The following EPHA5 variants were observed in gnomAD, a reference collection of about 807,000 sequenced individuals.
EPHA5 encodes the protein EPH receptor A5.
Under a neutral mutation model 105.0 loss-of-function variants are expected in EPHA5, and 60 were observed. That is an observed-to-expected ratio of 0.57 (90% CI 0.46 to 0.71). The LOEUF is 0.71. Among genes scored for constraint, EPHA5 ranks in the 30% least tolerant of loss-of-function variants. EPHA5 has a pLI of 0.00. For missense variants in EPHA5, 1,218 were observed against 1,274.7 expected (o/e 0.96, Z 0.68); for synonymous variants, 513 against 449.1 (o/e 1.14, Z -1.80).
intron 3 of EPHA5, among the ~76,000 whole-genome samples, chr4:65,553,189 T>C (rs1183646160): frequency 6.6e-6 from 1 of 152,116 alleles, no homozygotes; most frequent in Non-Finnish European, 1.5e-5. Flanking sequence ...TCTCCTCCTA[T>C]GAAAATTTAC....
intron 2 of EPHA5, among the ~76,000 whole-genome samples, chr4:65,618,309 C>T (rs1745421118): frequency 6.6e-6 from 1 of 151,942 alleles, no homozygotes; most frequent in African/African-American, 2.4e-5. Context: ...TTATAATTAC[C>T]ACCCTTTTAA....
intron 2 of EPHA5, among the ~76,000 whole-genome samples, chr4:65,609,290 T>C (rs140116219): frequency 6.6e-6 from 1 of 152,264 alleles, no homozygotes; most frequent in Non-Finnish European, 1.5e-5. Flanking sequence ...CAATATTATG[T>C]TAGTGGGAAA....
rs141438335 is a variant in EPHA5 at position 65,562,690 on chromosome 4, T to C, written c.910+38951A>G. 4.1e-3 allele frequency among the ~76,000 whole-genome samples: 631 copies of C among 152,176 alleles called. 5 individuals are homozygous for C. The highest frequency in any genetic ancestry group is 0.014 in the African/African-American group (599 of 41,550). On this transcript the variant is annotated intron_variant, in intron 3 of 16. Coordinates refer to ENST00000613740, the MANE Select transcript of EPHA5 (RefSeq NM_001281766.3). ...GTGACTTTTTCTATTACGTTACAAT[T>C]CTCAAAAGGCAAGATTATTGTATAG... is the stretch of plus-strand genomic sequence containing the variant.
intron 13 of EPHA5, 84 bp from the exon 14 acceptor site, chr4:65,348,287 C>G (rs1722415294): frequency 8.0e-7 from 1 of 1,243,910 alleles, no homozygotes; most frequent in Admixed American, 2.3e-5. Context: ...AAGATCTAGA[C>G]AGAGATGTAG....
intron 2 of EPHA5, among the ~76,000 whole-genome samples, chr4:65,642,119 T>A (rs1288459570): frequency 6.6e-6 from 1 of 152,016 alleles, no homozygotes; most frequent in Non-Finnish European, 1.5e-5. Flanking sequence ...ATATATTTTC[T>A]CTGGATTCTA....
chr4:65,570,737 G>C (rs1466547283), intron 3 of EPHA5, among the ~76,000 whole-genome samples: 1 of 151,760 alleles, frequency 6.6e-6, no homozygotes, highest in Non-Finnish European at 1.5e-5. Context: ...GAATTTCATT[G>C]TCTCTGTATA....
intron 5 of EPHA5, among the ~76,000 whole-genome samples, chr4:65,480,850 C>T (rs1363039737): frequency 1.4e-5 from 2 of 144,208 alleles, no homozygotes; most frequent in African/African-American, 2.5e-5. Flanking sequence ...ATTTTGAGTG[C>T]AACTAAGAAT....
intron 7 of EPHA5, among the ~76,000 whole-genome samples, chr4:65,410,058 A>G (rs1722772227): frequency 6.6e-6 from 1 of 152,200 alleles, no homozygotes; most frequent in South Asian, 2.1e-4. Context: ...GTACTTTTGG[A>G]AATTCATCCT....
intron 8 of EPHA5, among the ~76,000 whole-genome samples, chr4:65,379,276 TAC>T (rs35953627): frequency 0.052 from 7,763 of 149,912 alleles, 354 homozygotes; most frequent in African/African-American, 0.12. Context: ...AGTATGCACA[TAC>T]ACACACACAC....
At chr4:65,404,508 G>C (rs2148991693) in intron 7 of EPHA5, 29 bp from the exon 8 acceptor site, 1 of 1,595,262 alleles carries the variant, frequency 6.3e-7, no homozygotes, top group Non-Finnish European at 8.6e-7. Flanking sequence ...AATGGAGCTT[G>C]TGGTTAAAGT....
At chr4:65,498,307 G>A (rs1732144627) in intron 3 of EPHA5, among the ~76,000 whole-genome samples, 1 of 151,878 alleles carries the variant, frequency 6.6e-6, no homozygotes, top group African/African-American at 2.4e-5. Flanking sequence ...TTATTTTATA[G>A]GCAAAGGGAG....
In EPHA5 at chr4:65,601,987, A is replaced by T. The variant is rs956387294; in HGVS notation, c.564T>A (p.Leu188=). Residue 188 remains leucine (L), a synonymous_variant, in exon 3 of 17, where the codon CTT becomes CTA. Transcript: ENST00000613740. ...TATTCAGTTTCATAACACGGTCACC[A>T]AGATCAAGTTCTGTAAAGCTTTCAT... ...AADESFTELD[L]GDRVMKLNTE... 1 of 1,614,048 alleles carries T rather than the reference A, an allele frequency of 6.2e-7. No individual in the cohort carries two copies. Among genetic ancestry groups the T allele is most frequent in the African/African-American group, 1.3e-5 (1 of 74,926 alleles).
At chr4:65,643,593 G>A (rs776316061) in intron 1 of EPHA5, among the ~76,000 whole-genome samples, 166 bp from the exon 2 acceptor site, 10 of 151,560 alleles carry the variant, frequency 6.6e-5, no homozygotes, top group Non-Finnish European at 1.5e-4. Flanking sequence ...ATTGATGCAG[G>A]AGAACAAATG....
chr4:65,426,146 A>G (rs1724423656), intron 5 of EPHA5, among the ~76,000 whole-genome samples: 1 of 152,070 alleles, frequency 6.6e-6, no homozygotes, highest in Admixed American at 6.6e-5. Context: ...ATGGATTACT[A>G]GGTTGCACAT....
intron 1 of EPHA5, chr4:65,669,292 C>G (rs908857493): frequency 9.6e-6 from 7 of 730,848 alleles, no homozygotes; most frequent in African/African-American, 9.6e-5. Context: ...CTCCTTTCCC[C>G]CAAGGTTTTC....
At chr4:65,569,470 A>T (rs554805452) in intron 3 of EPHA5, among the ~76,000 whole-genome samples, 1 of 151,796 alleles carries the variant, frequency 6.6e-6, no homozygotes, top group Non-Finnish European at 1.5e-5. Flanking sequence ...CCCCCAAGTA[A>T]TTAAAATAAT....
intron 3 of EPHA5, among the ~76,000 whole-genome samples, chr4:65,546,575 GT>G (rs1737394776): frequency 6.6e-6 from 1 of 151,880 alleles, no homozygotes; most frequent in African/African-American, 2.4e-5. Flanking sequence ...ATTTGCAAAT[GT>G]TTTAACAACT....
chr4:65,528,687 T>C (rs1048421839), intron 3 of EPHA5, among the ~76,000 whole-genome samples: 1 of 152,186 alleles, frequency 6.6e-6, no homozygotes, highest in Non-Finnish European at 1.5e-5. Context: ...GTTATTTTTT[T>C]TCCAACTTTG....
At chr4:65,626,535 A>G (rs1158715597) in intron 2 of EPHA5, among the ~76,000 whole-genome samples, 2 of 152,218 alleles carry the variant, frequency 1.3e-5, no homozygotes, top group South Asian at 2.1e-4. Flanking sequence ...CTCCAGTTGC[A>G]GAACTTGGAT....
Sources: allele counts gnomAD v4.1 joint callset (sites outside exome capture counted in the v4.1 genomes callset), GRCh38; gene constraint gnomAD v4.1.1; transcripts MANE v1.5; gene names NCBI Gene and HGNC (gene_info 2026-07-23, HGNC 2026-07-21).